The following BCAS3 variants were observed in gnomAD, a reference collection of about 807,000 sequenced individuals.
The protein encoded by BCAS3 is BCAS4/BCAS3 fusion.
A neutral mutation model predicts 116.1 loss-of-function variants in BCAS3; 53 were observed. The ratio of observed to expected loss-of-function variants is 0.46; its 90% CI spans 0.37 to 0.57. The LOEUF (loss-of-function observed/expected upper bound fraction) is 0.57, where lower values mean the gene tolerates loss of function less well. BCAS3 is among the 20% of genes least tolerant of loss of function. The pLI is 0.00. For synonymous variants in BCAS3, 391 were observed against 408.2 expected, an observed-to-expected ratio of 0.96 and a Z score of 0.51; for missense variants, 917 against 1,165.4, an observed-to-expected ratio of 0.79 and a Z score of 3.10.
chr17:61,284,645 G>GTT (rs540729268), intron 22 of BCAS3, among the ~76,000 whole-genome samples: 7 of 145,062 alleles, frequency 4.8e-5, no homozygotes, highest in African/African-American at 1.5e-4. Context: ...CCACAACTGC[G>GTT]TTTTTTTTTT....
chr17:60,710,126 G>T (rs960007071), intron 5 of BCAS3, among the ~76,000 whole-genome samples: 1 of 151,978 alleles, frequency 6.6e-6, no homozygotes, highest in Non-Finnish European at 1.5e-5. Context: ...TGAGATGACA[G>T]GACTTCTGTT....
At chr17:60,810,205 C>T in intron 7 of BCAS3, 2 of 429,194 alleles carry the variant, frequency 4.7e-6, no homozygotes, top group Non-Finnish European at 9.2e-6. Flanking sequence ...ACCAAACTAC[C>T]AGTCTCTGGG....
intron 14 of BCAS3, among the ~76,000 whole-genome samples, chr17:60,971,514 G>A (rs1337815780): frequency 6.6e-6 from 1 of 152,102 alleles, no homozygotes; most frequent in Non-Finnish European, 1.5e-5. Flanking sequence ...CTATCATGCT[G>A]GTTGCTCCTT....
intron 22 of BCAS3, among the ~76,000 whole-genome samples, chr17:61,318,409 C>A (rs2054921861): frequency 6.6e-6 from 1 of 152,232 alleles, no homozygotes; most frequent in Non-Finnish European, 1.5e-5. Context: ...CCTGTCTTCC[C>A]TGCCTACTGT....
chr17:60,687,581 G>T (rs1448740181), intron 3 of BCAS3, among the ~76,000 whole-genome samples: 1 of 150,474 alleles, frequency 6.6e-6, no homozygotes, highest in East Asian at 1.9e-4. Context: ...TCCAGCCGGG[G>T]TGACAGAACC....
chr17:61,151,297 G>C lies in BCAS3; in HGVS notation c.2425+66733G>C, dbSNP rs988827274. On this transcript the variant is annotated intron_variant, in intron 22 of 23. Coordinates refer to ENST00000407086, the MANE Select transcript of BCAS3 (RefSeq NM_017679.5). The surrounding 1 kb of genome is among the most constrained non-coding windows in gnomAD (Gnocchi z 4.8). ...ATATAATGCAAATATTCTAAGATCTGAAAAAATTCAAAATTCAAAGCACTC... is the reference window on the plus strand; with the variant it reads ...ATATAATGCAAATATTCTAAGATCTCAAAAAATTCAAAATTCAAAGCACTC... Among the ~76,000 whole-genome samples, 9 of 151,860 alleles carry C rather than the reference G, an allele frequency of 5.9e-5. No individual in the cohort carries two copies. The highest frequency in any genetic ancestry group is 1.3e-4 in the Non-Finnish European group (9 of 67,990).
intron 22 of BCAS3, among the ~76,000 whole-genome samples, chr17:61,292,681 G>A (rs974184491): frequency 6.6e-6 from 1 of 151,990 alleles, no homozygotes; most frequent in African/African-American, 2.4e-5. Flanking sequence ...TGAGGGGTGA[G>A]GGGTCCTTTA....
At chr17:61,312,827 A>G (rs1233862101) in intron 22 of BCAS3, among the ~76,000 whole-genome samples, 1 of 152,202 alleles carries the variant, frequency 6.6e-6, no homozygotes, top group African/African-American at 2.4e-5. Context: ...CCTCGGGGTC[A>G]GGACTGGTTA....
At chr17:61,059,895 G>A (rs1026339965) in intron 19 of BCAS3, among the ~76,000 whole-genome samples, 3 of 151,836 alleles carry the variant, frequency 2.0e-5, no homozygotes, top group Admixed American at 6.6e-5. Context: ...GCGTGGTGGC[G>A]CGTGCCTGTA....
chr17:60,827,343 T>C (rs529958527), intron 7 of BCAS3, among the ~76,000 whole-genome samples: 31 of 152,356 alleles, frequency 2.0e-4, no homozygotes, highest in African/African-American at 7.5e-4. Context: ...TTTTCATTTA[T>C]ATTTATATAC....
At chr17:61,110,707 G>C (rs1228960429) in intron 22 of BCAS3, among the ~76,000 whole-genome samples, 3 of 152,186 alleles carry the variant, frequency 2.0e-5, no homozygotes, top group African/African-American at 7.2e-5. Flanking sequence ...GGTAAACAAA[G>C]CAGCCGGGAA....
At chr17:60,716,905 A>C (rs1378226746) in intron 5 of BCAS3, among the ~76,000 whole-genome samples, 1 of 152,196 alleles carries the variant, frequency 6.6e-6, no homozygotes, top group Non-Finnish European at 1.5e-5. Context: ...ATTACATGCC[A>C]GACTGTGTTG....
At chr17:61,040,153 C>G (rs138775436) in intron 18 of BCAS3, among the ~76,000 whole-genome samples, 108 of 152,342 alleles carry the variant, frequency 7.1e-4, no homozygotes, top group African/African-American at 2.3e-3. Context: ...AAAATGATCC[C>G]TGTCCTTTTG....
At chr17:60,974,587 T>C (rs1167626041) in intron 14 of BCAS3, among the ~76,000 whole-genome samples, 1 of 152,196 alleles carries the variant, frequency 6.6e-6, no homozygotes, top group African/African-American at 2.4e-5. Flanking sequence ...AAAGAACAAA[T>C]ATCTTAGCAT....
At chr17:60,835,347 G>C (rs7208501) in intron 7 of BCAS3, among the ~76,000 whole-genome samples, 1 of 151,668 alleles carries the variant, frequency 6.6e-6, no homozygotes, top group Non-Finnish European at 1.5e-5. Context: ...CATGAATACC[G>C]AAGGCAGATT....
chr17:61,336,300 G>A (rs1461036741), intron 22 of BCAS3, among the ~76,000 whole-genome samples: 1 of 152,198 alleles, frequency 6.6e-6, no homozygotes, highest in Non-Finnish European at 1.5e-5. Context: ...GCTCTATAAC[G>A]GGGCTTTGAA....
rs377575715 is a variant in BCAS3 at position 61,330,631 on chromosome 17, C to G, written c.2426-37696C>G. On this transcript the variant is annotated intron_variant, in intron 22 of 23. Transcript: ENST00000407086. ...TAGACTCCATAGCTTCTCAGACCTC[C>G]ACAGCCACAGGCCCCCAGGAGTCCC... Among the ~76,000 whole-genome samples, 6 of 152,328 alleles carry G rather than the reference C, an allele frequency of 3.9e-5. No individual in the cohort carries two copies. The East Asian group carries it at 5.8e-4, about 15-fold the overall frequency.
intron 22 of BCAS3, among the ~76,000 whole-genome samples, chr17:61,298,533 G>A (rs955506652): frequency 1.3e-5 from 2 of 152,298 alleles, no homozygotes; most frequent in South Asian, 4.1e-4. Flanking sequence ...GCTCTCTTGA[G>A]CATCATCACT....
chr17:61,312,220 G>A (rs1490151272), intron 22 of BCAS3, among the ~76,000 whole-genome samples: 1 of 152,182 alleles, frequency 6.6e-6, no homozygotes, highest in African/African-American at 2.4e-5. Context: ...TCTGCATGTT[G>A]TGCTTATTTG....
Sources: allele counts gnomAD v4.1 joint callset (sites outside exome capture counted in the v4.1 genomes callset), GRCh38; gene constraint gnomAD v4.1.1; non-coding constraint Gnocchi (gnomAD v3.1); transcripts MANE v1.5; gene names NCBI Gene and HGNC (gene_info 2026-07-23, HGNC 2026-07-21).